The following GRIPAP1 variants were observed in gnomAD, a reference collection of about 807,000 sequenced individuals.
GRIPAP1 encodes the protein GRIP1 associated protein 1.
GRIPAP1 carries 14 observed loss-of-function variants against 84.1 expected under a neutral mutation model. The observed-to-expected ratio is 0.17, with a 90% CI of 0.11 to 0.26. GRIPAP1 has a LOEUF of 0.26. Ranked by LOEUF, GRIPAP1 falls within the 10% of genes least tolerant of loss-of-function variation. GRIPAP1 has a pLI of 1.00. For synonymous variants in GRIPAP1, 261 were observed against 256.8 expected (o/e 1.02, Z -0.15); for missense variants, 518 against 674.2 (o/e 0.77, Z 2.57).
intron 4 of GRIPAP1, 70 bp from the exon 5 acceptor site, chrX:48,997,427 G>T: frequency 1.7e-6 from 1 of 599,447 alleles, no homozygotes. Context: ...CAAAGAAACA[G>T]AGAGAGGGAG....
chrX:48,996,372 A>G (rs1430400382), intron 5 of GRIPAP1, among the ~76,000 whole-genome samples: 1 of 112,423 alleles, frequency 8.9e-6, no homozygotes, highest in Non-Finnish European at 1.9e-5. Context: ...TTGGGAGGCC[A>G]AGACGGGTGG....
chrX:48,991,349 A>G, intron 6 of GRIPAP1: 1 of 367,150 alleles, frequency 2.7e-6, no homozygotes, highest in Non-Finnish European at 4.7e-6. Flanking sequence ...GAATGATCAC[A>G]GTTCACTGCA....
chrX:48,995,527 C>A (rs1008880871), intron 5 of GRIPAP1, among the ~76,000 whole-genome samples: 1 of 111,413 alleles, frequency 9.0e-6, no homozygotes, highest in African/African-American at 3.3e-5. Flanking sequence ...ACCAGGGAGG[C>A]GGCTGTAGAA....
rs782546240 is a variant in GRIPAP1, at chrX:48,983,347, G to C, written c.1366C>G (p.Leu456Val). 1 of 1,211,322 alleles carries C rather than the reference G, an allele frequency of 8.3e-7. No homozygotes were observed. Among genetic ancestry groups the C allele is most frequent in the Non-Finnish European group, 1.1e-6 (1 of 894,779 alleles). ...QHKEELGAVR[L>V]RHEKEVLGVR... ...CCCAGCACCTCCTTCTCATGCCGTA[G>C]ACGAACTGCTCCCAGCTCTTCCTTG... Residue 456 changes from leucine (L) to valine (V), a missense_variant, in exon 16 of 26, where the codon CTA (leucine) becomes GTA (valine). By Grantham distance (32) the Leu-to-Val change is conservative. This residue lies in a region of GRIPAP1 where 372 missense variants were observed against 458.1 expected (regional missense o/e 0.81). Coordinates refer to ENST00000376423, the MANE Select transcript of GRIPAP1 (RefSeq NM_020137.5).
At position 48,975,294 on chromosome X, in the gene GRIPAP1, GCTGCCACAGACACAT is replaced by G; in HGVS notation, c.2279_2293del (p.Asp760_Ala764del). On this transcript the variant is annotated inframe_deletion and splice_region_variant, in exon 25 of 26. Transcript: ENST00000376423. ...CAGCCCGCTGCGGTCTGTGTGGCCT[GCTGCCACAGACACAT>G]CTGCAAGGGCCCAGGCTGAAAACCA... is the stretch of plus-strand genomic sequence containing the variant. 4 of 1,208,260 alleles carry G rather than the reference GCTGCCACAGACACAT, an allele frequency of 3.3e-6. No homozygotes were observed. The highest frequency in any genetic ancestry group is 4.5e-6 in the Non-Finnish European group (4 of 894,124).
chrX:48,990,523 T>G (rs1397580538), intron 8 of GRIPAP1, among the ~76,000 whole-genome samples, 162 bp downstream of exon 8: 1 of 112,337 alleles, frequency 8.9e-6, no homozygotes, highest in Non-Finnish European at 1.9e-5. Context: ...CATTCCATAC[T>G]GAAAGTAACT....
chrX:48,997,259 C>A lies in GRIPAP1; in HGVS notation c.297G>T (p.Glu99Asp). 1 of 1,133,235 alleles carries A rather than the reference C, an allele frequency of 8.8e-7. No homozygotes were observed. Among genetic ancestry groups the A allele is most frequent in the East Asian group, 3.0e-5 (1 of 33,166 alleles). 93.4% of individuals were successfully genotyped at this position (1,133,235 alleles called of 1,213,427 possible). ...TCCCAGGCACCAGCACCTTGCTGAACTCGGCCATTAGTGTGCTGTTCTGCA... is the reference window on the plus strand; with the variant it reads ...TCCCAGGCACCAGCACCTTGCTGAAATCGGCCATTAGTGTGCTGTTCTGCA... ...FRLQNSTLMA[E>D]FSKLCSQMEQ... Residue 99 changes from glutamate (E) to aspartate (D), a missense_variant, in exon 5 of 26, where the codon GAG becomes GAT. Glu to Asp is a conservative substitution (Grantham distance 45, BLOSUM62 2). Coordinates refer to ENST00000376423, the MANE Select transcript of GRIPAP1 (RefSeq NM_020137.5).
chrX:48,998,947 G>A (rs2064561725), intron 3 of GRIPAP1: 2 of 315,346 alleles, frequency 6.3e-6, no homozygotes, highest in South Asian at 6.1e-5. Context: ...GCAGATTCGA[G>A]GTAGATTTAC....
Position 48,981,776 on chromosome X carries a change from A to G in GRIPAP1, c.1677+19T>C. ...CCCGTCACTGTCTGGAGAGAGGAAC[A>G]CCATCATGCGAGAGGCACCTTCAGC... On this transcript the variant is annotated intron_variant, in intron 18 of 25. Transcript: ENST00000376423. 1 of 1,175,897 alleles carries G rather than the reference A, an allele frequency of 8.5e-7. No homozygotes were observed. The highest frequency in any genetic ancestry group is 1.2e-6 in the Non-Finnish European group (1 of 868,165).
chrX:48,989,749 G>A, intron 10 of GRIPAP1, 39 bp from the exon 11 acceptor site: 1 of 1,120,073 alleles, frequency 8.9e-7, no homozygotes, highest in South Asian at 1.8e-5. Context: ...GACATGGCTT[G>A]AGGCCCAGTC....
Position 48,985,332 on chromosome X carries a change from T to G in GRIPAP1, c.1112A>C (p.Gln371Pro). 8.3e-7 allele frequency: 1 copy of G among 1,203,984 alleles called. No homozygotes were observed. Among genetic ancestry groups the G allele is most frequent in the Non-Finnish European group, 1.1e-6 (1 of 888,293 alleles). ...GTCCTCGTACTCAGCCTGCTGCTGC[T>G]GCAACTCAGCTGCCAGCCCAGTGGT... is the stretch of plus-strand genomic sequence containing the variant. Reference protein sequence around the residue: ...EQTTGLAAELQQQQAEYEDLM... With the variant: ...EQTTGLAAELPQQQAEYEDLM... Residue 371 changes from glutamine (Q) to proline (P), a missense_variant, in exon 14 of 26, where the codon CAG becomes CCG. Around this residue, in one of 5 missense-constraint regions of GRIPAP1, gnomAD observed 372 missense variants for 458.1 expected, o/e 0.81. Transcript: ENST00000376423.
chrX:48,979,623 A>G (rs781876640), intron 21 of GRIPAP1, among the ~76,000 whole-genome samples: 1 of 103,935 alleles, frequency 9.6e-6, no homozygotes, highest in South Asian at 5.0e-4. Flanking sequence ...TATTATTATT[A>G]TTTTTTAGAC....
intron 13 of GRIPAP1, 145 bp from the exon 14 acceptor site, chrX:48,985,547 A>C (rs868971160): frequency 4.3e-6 from 2 of 464,493 alleles, no homozygotes; most frequent in Middle Eastern, 1.2e-3. Flanking sequence ...CAGAAAAACA[A>C]TGAAGAGAAT....
At chrX:48,997,878 T>C (rs1384649026) in intron 4 of GRIPAP1, 7 of 303,045 alleles carry the variant, frequency 2.3e-5, no homozygotes, top group Admixed American at 6.7e-5. Flanking sequence ...AAAGAGAAGA[T>C]TGGGAAGAGA....
chrX:48,981,772 G>T, intron 18 of GRIPAP1, 23 bp downstream of exon 18: 1 of 1,175,347 alleles, frequency 8.5e-7, no homozygotes, highest in Non-Finnish European at 1.2e-6. Flanking sequence ...CTGGAGAGAG[G>T]AACACCATCA....
intron 8 of GRIPAP1, 113 bp downstream of exon 8, chrX:48,990,572 T>G (rs1347926497): frequency 3.5e-6 from 2 of 578,309 alleles, no homozygotes; most frequent in Non-Finnish European, 5.7e-6. Flanking sequence ...TCACAGATGA[T>G]GAAACCTAGG....
rs1557062978 is a variant in GRIPAP1, at chrX:48,983,833, A to T, written c.1214T>A (p.Leu405His). The change falls in exon 15 of 26, where the codon CTT (leucine) becomes CAT (histidine). Residue 405 changes from leucine (L) to histidine (H), a missense_variant. Physicochemically the swap from Leu to His is moderately conservative, Grantham distance 99. This residue lies in a region of GRIPAP1 where 372 missense variants were observed against 458.1 expected (regional missense o/e 0.81). Transcript: ENST00000376423. ...CTCCTTCTCCTGCCCTATTTCTTGAAGTTGTTCCAGCAGTCGACTATTGGC... is the reference window on the plus strand; with the variant it reads ...CTCCTTCTCCTGCCCTATTTCTTGATGTTGTTCCAGCAGTCGACTATTGGC... ...LRANSRLLEQ[L>H]QEIGQEKEQL... is the part of the protein sequence containing the mutation. 6 of 1,194,869 alleles carry T rather than the reference A, an allele frequency of 5.0e-6. No individual in the cohort carries two copies. The highest frequency in any genetic ancestry group is 6.8e-6 in the Non-Finnish European group (6 of 880,684).
Position 48,979,641 on chromosome X carries a change from C to T in GRIPAP1, c.1931-1206G>A, listed in dbSNP as rs782504143. ...TATTATTATTTTTTAGACAGAGTTT[C>T]AGTCTTGTCGCCCAGGCTGGAGTAC... is the stretch of plus-strand genomic sequence containing the variant. On this transcript the variant is annotated intron_variant, in intron 21 of 25. Transcript: ENST00000376423. 2.3e-3 allele frequency among the ~76,000 whole-genome samples: 241 copies of T among 107,095 alleles called. 1 individual carries two copies. Among genetic ancestry groups the T allele is most frequent in the African/African-American group, 8.0e-3 (236 of 29,476 alleles). The allele number at this position is 107,095 out of a possible 115,157, so 93.0% of individuals were successfully genotyped here.
chrX:48,989,464 C>T, intron 11 of GRIPAP1, 147 bp downstream of exon 11: 1 of 442,784 alleles, frequency 2.3e-6, no homozygotes. Flanking sequence ...CTCCAATTCC[C>T]ATTTTCCTAG....
Sources: allele counts gnomAD v4.1 joint callset (sites outside exome capture counted in the v4.1 genomes callset), GRCh38; gene constraint gnomAD v4.1.1; regional missense constraint gnomAD v4.1.1; transcripts MANE v1.5; gene names NCBI Gene and HGNC (gene_info 2026-07-23, HGNC 2026-07-21).